Variants in SHC4 observed in about 807,000 individuals in gnomAD.
SHC4 encodes the protein SHC-transforming protein 4.
Under a neutral mutation model 69.4 loss-of-function variants are expected in SHC4, and 41 were observed. The observed-to-expected ratio is 0.59, with a 90% CI of 0.46 to 0.77. The LOEUF (loss-of-function observed/expected upper bound fraction) is 0.77. SHC4 is among the 30% of genes least tolerant of loss of function. The pLI, the probability that SHC4 is intolerant of heterozygous loss-of-function variation, is 0.00. For synonymous variants in SHC4, 318 were observed against 299.3 expected (o/e 1.06, Z -0.64); for missense variants, 777 against 783.8 (o/e 0.99, Z 0.10).
At chr15:48,962,087 T>C (rs1901554451) in intron 1 of SHC4, among the ~76,000 whole-genome samples, 1 of 152,152 alleles carries the variant, frequency 6.6e-6, no homozygotes, top group African/African-American at 2.4e-5. Context: ...AGATTTGAAG[T>C]CCTTGACTCT....
In SHC4 at chr15:48,841,575, C is replaced by A. The variant is rs567453560; in HGVS notation, c.1483+1834G>T. Among the ~76,000 whole-genome samples, 3 of 152,274 alleles carry A rather than the reference C, an allele frequency of 2.0e-5. No individual in the cohort carries two copies. In the East Asian group the frequency reaches 5.8e-4, roughly 29 times the overall value. On this transcript the variant is annotated intron_variant, in intron 10 of 11. Coordinates refer to ENST00000332408, the MANE Select transcript of SHC4 (RefSeq NM_203349.4). ...CATCCCAAGACTGAGATAAATGGGG[C>A]TATATACGCTCAGCCATTTGGGCCC...
chr15:48,953,695 C>G (rs1159734761), intron 1 of SHC4, among the ~76,000 whole-genome samples: 1 of 152,174 alleles, frequency 6.6e-6, no homozygotes, highest in Non-Finnish European at 1.5e-5. Context: ...ATAATAAAAT[C>G]TCATATTTCC....
chr15:48,903,561 G>T (rs1006565935), intron 2 of SHC4, among the ~76,000 whole-genome samples: 2 of 152,082 alleles, frequency 1.3e-5, no homozygotes, highest in African/African-American at 4.8e-5. Flanking sequence ...CAAAAATAAG[G>T]AGCCTCCATG....
intron 1 of SHC4, among the ~76,000 whole-genome samples, chr15:48,941,350 T>G (rs890576466): frequency 1.3e-5 from 2 of 152,028 alleles, no homozygotes; most frequent in Admixed American, 1.3e-4. Flanking sequence ...ATCAGTGGAG[T>G]AGTCAACGTA....
Position 48,868,012 on chromosome 15 carries a change from GAACATA to G in SHC4, c.895-149_895-144del, listed in dbSNP as rs1899596692. ...GAGACAAGAAAAGCATTGTAAAAGG[GAACATA>G]AACAAATATACACCATATAGTTTAA... On this transcript the variant is annotated intron_variant, in intron 5 of 11. Coordinates refer to ENST00000332408, the MANE Select transcript of SHC4 (RefSeq NM_203349.4). 8 of 649,282 alleles carry G rather than the reference GAACATA, an allele frequency of 1.2e-5. 2 individuals carry two copies. The South Asian group carries it at 1.6e-4, about 13-fold the overall frequency. The allele number at this position is 649,282 out of a possible 1,614,324, so 40.2% of individuals were successfully genotyped here. A position where few individuals can be genotyped will look rare whatever the true frequency, so the allele number is the denominator to read the frequency against.
intron 3 of SHC4, among the ~76,000 whole-genome samples, chr15:48,888,980 G>C (rs912657521): frequency 6.6e-6 from 1 of 151,440 alleles, no homozygotes; most frequent in Admixed American, 6.6e-5. Context: ...AAAGCCTAAA[G>C]TGCTGGAAAG....
At chr15:48,932,486 C>T (rs1352103769) in intron 1 of SHC4, among the ~76,000 whole-genome samples, 1 of 152,142 alleles carries the variant, frequency 6.6e-6, no homozygotes, top group Non-Finnish European at 1.5e-5. Flanking sequence ...TTGCTGAACT[C>T]TTTAGCCTTT....
At chr15:48,918,212 C>T (rs1447362698) in intron 2 of SHC4, among the ~76,000 whole-genome samples, 1 of 152,224 alleles carries the variant, frequency 6.6e-6, no homozygotes, top group Non-Finnish European at 1.5e-5. Context: ...GTCCACCACC[C>T]TCCCACCCAA....
chr15:48,872,814 T>C (rs137924541), intron 4 of SHC4, among the ~76,000 whole-genome samples: 1 of 152,190 alleles, frequency 6.6e-6, no homozygotes, highest in East Asian at 1.9e-4. Flanking sequence ...TGTCTTCTAT[T>C]TGAGAGTCTA....
At chr15:48,863,600 G>T (rs1899495166) in intron 6 of SHC4, among the ~76,000 whole-genome samples, 1 of 152,254 alleles carries the variant, frequency 6.6e-6, no homozygotes, top group Non-Finnish European at 1.5e-5. Context: ...ACATTTTTAA[G>T]ATGTTTGATG....
intron 9 of SHC4, among the ~76,000 whole-genome samples, chr15:48,845,500 A>T (rs1175017932): frequency 1.3e-5 from 2 of 152,188 alleles, no homozygotes; most frequent in East Asian, 3.8e-4. Flanking sequence ...TGGATTTATA[A>T]GTTATATTAT....
intron 1 of SHC4, among the ~76,000 whole-genome samples, chr15:48,936,110 C>A (rs1243894377): frequency 6.6e-6 from 1 of 152,002 alleles, no homozygotes; most frequent in Non-Finnish European, 1.5e-5. Flanking sequence ...ACACCTAGAA[C>A]ATAGTAGACC....
chr15:48,948,141 G>A (rs1464825135), intron 1 of SHC4: 2 of 152,168 alleles, frequency 1.3e-5, no homozygotes, highest in Non-Finnish European at 2.9e-5. Context: ...TTTATTTCTA[G>A]GTTGCCCTGG....
chr15:48,924,943 C>T lies in SHC4; in HGVS notation c.592G>A (p.Gly198Ser). The T allele has an allele frequency of 6.2e-7, 1 of 1,613,978 alleles. No homozygotes were observed. Among genetic ancestry groups the T allele is most frequent in the Non-Finnish European group, 8.5e-7 (1 of 1,179,948 alleles). Residue 198 changes from glycine to serine, a missense_variant, in exon 2 of 12, where the codon GGC (glycine) becomes AGC (serine). Coordinates refer to ENST00000332408, the MANE Select transcript of SHC4 (RefSeq NM_203349.4). The stretch of plus-strand genomic sequence containing the variant: ...ATTGATTGCAGCACTTCAACACAGC[C>T]CATGTACTACAATAAGAAGAAAAAA... ...MGMNYCVRYM[G>S]CVEVLQSMRS...
intron 4 of SHC4, among the ~76,000 whole-genome samples, chr15:48,875,209 T>C (rs1479455999): frequency 1.3e-5 from 2 of 152,246 alleles, no homozygotes; most frequent in Non-Finnish European, 2.9e-5. Flanking sequence ...AACAAAGCCA[T>C]GAAGCCTTCT....
chr15:48,923,794 C>T (rs918886665), intron 2 of SHC4, among the ~76,000 whole-genome samples: 11 of 151,806 alleles, frequency 7.2e-5, no homozygotes, highest in Admixed American at 2.0e-4. Flanking sequence ...CATGTGCTAC[C>T]GTGCCTGGCT....
Position 48,962,650 on chromosome 15 carries a change from G to C in SHC4, c.366C>G (p.Ser122Arg), listed in dbSNP as rs778232583. ...KEVPRLKLQE[S>R]RDPGSSGPSS... ...AGGGGCCGCTGGAACCTGGGTCCCG[G>C]CTTTCCTGGAGCTTCAGCCGAGGCA... Residue 122 changes from serine (S) to arginine (R), a missense_variant, in exon 1 of 12, where the codon AGC becomes AGG. Ser to Arg is a moderately radical substitution (Grantham distance 110). Coordinates refer to ENST00000332408, the MANE Select transcript of SHC4 (RefSeq NM_203349.4). The C allele has an allele frequency of 1.2e-6, 2 of 1,614,214 alleles. No individual in the cohort carries two copies. The highest frequency in any genetic ancestry group is 1.7e-6 in the Non-Finnish European group (2 of 1,180,042).
intron 5 of SHC4, among the ~76,000 whole-genome samples, chr15:48,868,884 A>G (rs976218327): frequency 6.6e-6 from 1 of 152,244 alleles, no homozygotes; most frequent in African/African-American, 2.4e-5. Context: ...AAATAAGGCC[A>G]TATCCTTGGG....
intron 1 of SHC4, among the ~76,000 whole-genome samples, chr15:48,935,676 TAACACCAATCAAATGAA>T (rs1259283716): frequency 6.6e-6 from 1 of 152,092 alleles, no homozygotes; most frequent in Non-Finnish European, 1.5e-5. Flanking sequence ...CCTTTTAGTG[TAACACCAATCAAATGAA>T]AACCTGGGCA....
Sources: gnomAD v4.1 joint callset for allele counts (sites outside exome capture counted in the v4.1 genomes callset) on GRCh38, gnomAD v4.1.1 for gene constraint, MANE v1.5 for transcripts, NCBI Gene and HGNC (gene_info 2026-07-23, HGNC 2026-07-21) for gene names.